Variants in CD55 observed in about 807,000 individuals in gnomAD.
CD55 encodes the protein complement decay-accelerating factor.
In CD55, 41 loss-of-function variants were observed where a neutral mutation model predicts 45.8. The observed-to-expected ratio is 0.90, with a 90% CI of 0.70 to 1.16. The LOEUF is 1.16. CD55 is among the 50% of genes most tolerant of loss of function. CD55 has a pLI of 0.00. For missense variants in CD55, 416 were observed against 469.8 expected (o/e 0.89, Z 1.06); for synonymous variants, 181 against 181.1 (o/e 1.00, Z 0.01).
At chr1:207,356,829 C>T (rs991588420) in intron 9 of CD55, among the ~76,000 whole-genome samples, 37 of 152,166 alleles carry the variant, frequency 2.4e-4, no homozygotes, top group African/African-American at 8.2e-4. Flanking sequence ...ATAAATGTCA[C>T]GATTGGCTCT....
At chr1:207,332,821 C>G (rs191101570) in intron 6 of CD55, among the ~76,000 whole-genome samples, 15 of 152,218 alleles carry the variant, frequency 9.9e-5, no homozygotes, top group South Asian at 4.1e-4. Context: ...GTGGAAGCAA[C>G]AAGGTCTGAA....
At chr1:207,355,223 A>G (rs28371643) in intron 9 of CD55, among the ~76,000 whole-genome samples, 4,472 of 151,302 alleles carry the variant, frequency 0.03, 224 homozygotes, top group African/African-American at 0.1. Flanking sequence ...AGCCAAATAC[A>G]CTCATTAGTC....
chr1:207,355,850 C>T (rs1241557056), intron 9 of CD55, among the ~76,000 whole-genome samples: 2 of 152,114 alleles, frequency 1.3e-5, no homozygotes, highest in Non-Finnish European at 2.9e-5. Flanking sequence ...CATTTAAAAT[C>T]GAGCATGATT....
chr1:207,349,193 T>C (rs1395363831), intron 9 of CD55, among the ~76,000 whole-genome samples: 1 of 151,678 alleles, frequency 6.6e-6, no homozygotes, highest in Non-Finnish European at 1.5e-5. Context: ...TTAATTTTTT[T>C]TTTTTTTGAG....
rs146276485 is a variant in CD55 at position 207,325,659 on chromosome 1, T to C, written c.516T>C (p.Gly172=). ...SCPNPGEIRN[G]QIDVPGGILF... is the part of the protein sequence containing the mutation. ...CTAATCCGGGAGAAATACGAAATGG[T>C]CAGATTGATGTACCAGGTGGCATAT... The change falls in exon 4 of 10, where the codon GGT becomes GGC. Residue 172 remains glycine (G), a synonymous_variant. Coordinates refer to ENST00000367064, the MANE Select transcript of CD55 (RefSeq NM_000574.5). The C allele has an allele frequency of 6.2e-7, 1 of 1,610,912 alleles. No individual in the cohort carries two copies. Among genetic ancestry groups the C allele is most frequent in the East Asian group, 2.2e-5 (1 of 44,752 alleles).
chr1:207,341,545 A>G (rs892603394), intron 9 of CD55, among the ~76,000 whole-genome samples: 1 of 152,164 alleles, frequency 6.6e-6, no homozygotes, highest in African/African-American at 2.4e-5. Flanking sequence ...GCACCTTTGT[A>G]AAAAAATCAG....
intron 9 of CD55, among the ~76,000 whole-genome samples, chr1:207,351,250 C>T (rs1308918488): frequency 6.6e-6 from 1 of 152,014 alleles, no homozygotes; most frequent in Admixed American, 6.6e-5. Flanking sequence ...TTTAAAATTG[C>T]TTTATGGTTG....
At chr1:207,326,149 CTAAGTTCTTTGA>C (rs1161767903) in intron 4 of CD55, among the ~76,000 whole-genome samples, 1 of 152,164 alleles carries the variant, frequency 6.6e-6, no homozygotes, top group Non-Finnish European at 1.5e-5. Context: ...TGAAAGTATT[CTAAGTTCTTTGA>C]TAAGTTCTCT....
intron 8 of CD55, 127 bp from the exon 9 acceptor site, chr1:207,339,270 A>C: frequency 6.1e-6 from 4 of 660,990 alleles, no homozygotes. Flanking sequence ...TAATTATTTC[A>C]TTTGTGGAAA....
chr1:207,341,277 C>T (rs1009934171), intron 9 of CD55, among the ~76,000 whole-genome samples: 2 of 151,994 alleles, frequency 1.3e-5, no homozygotes, highest in Admixed American at 6.6e-5. Context: ...TTAATATAGT[C>T]CTATTTATCT....
chr1:207,346,110 G>T lies in CD55; in HGVS notation c.1081+6693G>T, dbSNP rs114379543. Among the ~76,000 whole-genome samples the T allele has an allele frequency of 4.8e-3, 732 of 152,368 alleles. 7 individuals carry two copies. Among genetic ancestry groups the T allele is most frequent in the African/African-American group, 0.017 (703 of 41,586 alleles). ...GTTCTCAGGCTACTTGGCAGCAAGTGGGGGCATGGGTGATGGCAGTAGTAG... is the reference window on the plus strand; with the variant it reads ...GTTCTCAGGCTACTTGGCAGCAAGTTGGGGCATGGGTGATGGCAGTAGTAG... On this transcript the variant is annotated intron_variant, in intron 9 of 9. Transcript: ENST00000367064.
chr1:207,340,907 C>A lies in CD55; in HGVS notation c.1081+1490C>A, dbSNP rs571288005. The A allele has an allele frequency of 5.3e-5, 16 of 300,016 alleles. No homozygotes were observed. In the South Asian group the frequency reaches 1.9e-3, roughly 37 times the overall value. 18.6% of individuals were successfully genotyped at this position (300,016 alleles called of 1,614,324 possible). On this transcript the variant is annotated intron_variant, in intron 9 of 9. Transcript: ENST00000367064. The stretch of plus-strand genomic sequence containing the variant: ...CAGTGGTTGTACTAATTTACATTCT[C>A]ACCAACAGTATATAAGATTTCCCTT...
chr1:207,359,796 C>T lies in CD55; in HGVS notation c.*186C>T, dbSNP rs1450382602. On this transcript the variant is annotated 3_prime_UTR_variant, in exon 10 of 10. Coordinates refer to ENST00000367064, the MANE Select transcript of CD55 (RefSeq NM_000574.5). ...AAAAAGGCAGTCCTGGAATCACATTCTTAGCACACCTACACCTCTTGAAAA... is the reference window on the plus strand; with the variant it reads ...AAAAAGGCAGTCCTGGAATCACATTTTTAGCACACCTACACCTCTTGAAAA... 7.4e-5 allele frequency: 41 copies of T among 552,766 alleles called. No individual in the cohort carries two copies. The Middle Eastern group carries it at 1.9e-3, about 25-fold the overall frequency. 34.2% of individuals were successfully genotyped at this position (552,766 alleles called of 1,614,324 possible). A position where few individuals can be genotyped will look rare whatever the true frequency, so the allele number is the denominator to read the frequency against.
At chr1:207,349,978 T>C (rs1655799055) in intron 9 of CD55, among the ~76,000 whole-genome samples, 1 of 152,200 alleles carries the variant, frequency 6.6e-6, no homozygotes, top group African/African-American at 2.4e-5. Flanking sequence ...TCATTCAGTA[T>C]GATGTTGGCT....
In CD55 at chr1:207,337,288, T is replaced by C. The variant is rs142699191; in HGVS notation, c.980-41T>C. ...ATGTACATTCCCCAGTGACTAATGGTCTCAAGAGTACACAAAGATTCCCTT... is the reference window on the plus strand; with the variant it reads ...ATGTACATTCCCCAGTGACTAATGGCCTCAAGAGTACACAAAGATTCCCTT... On this transcript the variant is annotated intron_variant, in intron 7 of 9. Transcript: ENST00000367064. 9.8e-4 allele frequency: 1,194 copies of C among 1,220,628 alleles called. 10 individuals carry two copies. In the African/African-American group the frequency reaches 0.015, roughly 15 times the overall value. 75.6% of individuals were successfully genotyped at this position (1,220,628 alleles called of 1,614,324 possible). A position where few individuals can be genotyped will look rare whatever the true frequency, so the allele number is the denominator to read the frequency against.
intron 9 of CD55, among the ~76,000 whole-genome samples, chr1:207,340,940 C>G (rs988545744): frequency 6.6e-6 from 1 of 152,132 alleles, no homozygotes; most frequent in African/African-American, 2.4e-5. Flanking sequence ...CTTTTCTTCA[C>G]GTCCTCACCA....
intron 9 of CD55, chr1:207,354,131 T>C: frequency 2.0e-6 from 3 of 1,513,090 alleles, no homozygotes; most frequent in Non-Finnish European, 2.7e-6. Context: ...TTGGGTTCTT[T>C]GGCAGTGAAG....
At position 207,322,568 on chromosome 1, in the gene CD55, G is replaced by A. The variant is rs376304458; in HGVS notation, c.286+1G>A. On this transcript the variant is annotated splice_donor_variant, in intron 2 of 9. Coordinates refer to ENST00000367064, the MANE Select transcript of CD55 (RefSeq NM_000574.5). LOFTEE classifies it high-confidence loss of function. ...TCAGATATTGAAGAGTTCTGCAATC[G>A]TAAGTTCTTCATCTTTTTAGAAAAG... 42 of 1,593,976 alleles carry A rather than the reference G, an allele frequency of 2.6e-5. No individual in the cohort carries two copies. The highest frequency in any genetic ancestry group is 3.2e-5 in the Non-Finnish European group (37 of 1,172,406).
At chr1:207,354,644 A>G (rs1244440231) in intron 9 of CD55, among the ~76,000 whole-genome samples, 1 of 152,148 alleles carries the variant, frequency 6.6e-6, no homozygotes, top group Non-Finnish European at 1.5e-5. Flanking sequence ...ATAAATCTTA[A>G]TGTTGATTCA....
Sources: gnomAD v4.1 joint callset for allele counts (sites outside exome capture counted in the v4.1 genomes callset) on GRCh38, gnomAD v4.1.1 for gene constraint, MANE v1.5 for transcripts, NCBI Gene and HGNC (gene_info 2026-07-23, HGNC 2026-07-21) for gene names.